Variants in SLC25A26 observed in about 807,000 individuals in gnomAD.
The protein encoded by SLC25A26 is mitochondrial S-adenosylmethionine carrier protein.
Under a neutral mutation model 37.8 loss-of-function variants are expected in SLC25A26, and 36 were observed. The observed-to-expected ratio is 0.95, with a 90% CI of 0.73 to 1.26. SLC25A26 has a LOEUF of 1.26. Among genes scored for constraint, SLC25A26 ranks in the 50% most tolerant of loss-of-function variants. The probability of loss-of-function intolerance (pLI) is 0.00; values close to 1 mark genes in which losing one functional copy is unlikely to be tolerated. For synonymous variants in SLC25A26, 129 were observed against 122.5 expected (o/e 1.05, Z -0.35); for missense variants, 390 against 331.1 (o/e 1.18, Z -1.38).
At chr3:66,366,048 G>T (rs764838883) in intron 7 of SLC25A26, among the ~76,000 whole-genome samples, 1 of 152,200 alleles carries the variant, frequency 6.6e-6, no homozygotes, top group Non-Finnish European at 1.5e-5. Flanking sequence ...ATCTGCATTT[G>T]TTCCCCAAGG....
chr3:66,146,677 A>G lies in SLC25A26; in HGVS notation c.-354+12693A>G, dbSNP rs560305259. Among the ~76,000 whole-genome samples, 81 of 152,298 alleles carry G rather than the reference A, an allele frequency of 5.3e-4. 1 individual carries two copies. The highest frequency in any genetic ancestry group is 8.5e-4 in the Non-Finnish European group (58 of 68,022). Reference sequence around the variant, plus strand: ...AGTCTTGGCTATAAACAGATGGCACATTCAGGATTTTTTTAAAAATTTCAA... The same window carrying G: ...AGTCTTGGCTATAAACAGATGGCACGTTCAGGATTTTTTTAAAAATTTCAA... On this transcript the variant is annotated intron_variant, in intron 1 of 10. Transcript: ENST00000676754.
At chr3:66,253,046 T>C (rs1395445650) in intron 3 of SLC25A26, among the ~76,000 whole-genome samples, 2 of 125,390 alleles carry the variant, frequency 1.6e-5, no homozygotes, top group African/African-American at 3.1e-5. Context: ...CATAAATATG[T>C]CCTAGTCCCC....
At chr3:66,357,894 T>G (rs1271300533) in intron 6 of SLC25A26, among the ~76,000 whole-genome samples, 1 of 152,232 alleles carries the variant, frequency 6.6e-6, no homozygotes, top group Non-Finnish European at 1.5e-5. Context: ...ACTATCTATG[T>G]GACCTCAGGC....
chr3:66,323,517 G>A (rs960286030), intron 5 of SLC25A26, among the ~76,000 whole-genome samples: 1 of 152,184 alleles, frequency 6.6e-6, no homozygotes, highest in African/African-American at 2.4e-5. Context: ...TGAAAATTCA[G>A]AGGCTGGGAT....
intron 5 of SLC25A26, among the ~76,000 whole-genome samples, chr3:66,290,269 A>G (rs1340412396): frequency 6.6e-6 from 1 of 152,156 alleles, no homozygotes; most frequent in East Asian, 1.9e-4. Flanking sequence ...AACAGAGACA[A>G]TTTGACTTCC....
chr3:66,369,033 A>T (rs1305552243), intron 7 of SLC25A26, among the ~76,000 whole-genome samples: 1 of 69,436 alleles, frequency 1.4e-5, no homozygotes, highest in Admixed American at 1.4e-4. Context: ...TTCAAAAAAA[A>T]AAAAAAAAAA....
intron 1 of SLC25A26, among the ~76,000 whole-genome samples, chr3:66,210,250 A>C (rs1407849338): frequency 2.0e-5 from 3 of 151,820 alleles, no homozygotes; most frequent in Non-Finnish European, 4.4e-5. Context: ...GGAGACAGAT[A>C]TTAATAACAT....
intron 5 of SLC25A26, among the ~76,000 whole-genome samples, chr3:66,288,001 A>G (rs989190224): frequency 6.6e-6 from 1 of 152,218 alleles, no homozygotes; most frequent in African/African-American, 2.4e-5. Context: ...TTCACCAGAA[A>G]ACATTTATAG....
chr3:66,167,630 A>G (rs1474944824), intron 1 of SLC25A26, among the ~76,000 whole-genome samples: 1 of 152,230 alleles, frequency 6.6e-6, no homozygotes. Flanking sequence ...CAAAAGATGC[A>G]GTAATGTTCT....
At chr3:66,156,823 T>A (rs577629489) in intron 1 of SLC25A26, among the ~76,000 whole-genome samples, 1 of 152,198 alleles carries the variant, frequency 6.6e-6, no homozygotes, top group African/African-American at 2.4e-5. Context: ...AGAGGGAATG[T>A]AGTGGGTGAA....
chr3:66,300,027 G>A (rs1209988179), intron 5 of SLC25A26, among the ~76,000 whole-genome samples: 3 of 152,138 alleles, frequency 2.0e-5, no homozygotes, highest in Non-Finnish European at 2.9e-5. Context: ...TCAGCTGTTA[G>A]CGTTTCTCCT....
At chr3:66,330,468 G>A in intron 5 of SLC25A26, among the ~76,000 whole-genome samples, 1 of 152,100 alleles carries the variant, frequency 6.6e-6, no homozygotes, top group Middle Eastern at 3.4e-3. Flanking sequence ...AACAGGAGTA[G>A]GATATATATA....
Position 66,152,697 on chromosome 3 carries a change from G to T in SLC25A26, c.-354+18713G>T, listed in dbSNP as rs550610860. On this transcript the variant is annotated intron_variant, in intron 1 of 10. Transcript: ENST00000676754. ...CTTAGGTTATATCTGGGGTAGGGTG[G>T]GAGGGAATTTGTAATTTATTTGGCT... 1.1e-4 allele frequency among the ~76,000 whole-genome samples: 16 copies of T among 152,226 alleles called. No homozygotes were observed. In the South Asian group the frequency reaches 3.1e-3, roughly 30 times the overall value.
rs34944870 is a variant in SLC25A26 at position 66,346,715 on chromosome 3, C to CGTGTGTGTGTGTGT, written c.498+340_498+353dup. Among the ~76,000 whole-genome samples the CGTGTGTGTGTGTGT allele has an allele frequency of 1.0e-3, 144 of 138,978 alleles. 4 individuals are homozygous for CGTGTGTGTGTGTGT. The highest frequency in any genetic ancestry group is 7.7e-3 in the Middle Eastern group (2 of 260). The allele number at this position is 138,978 out of a possible 152,430, so 91.2% of individuals were successfully genotyped here. On this transcript the variant is annotated intron_variant, in intron 6 of 9. Transcript: ENST00000354883. Reference sequence around the variant, plus strand: ...CCGTTAAATTTCATTTTGCTGTGTGCGTGTGTGTGTGTGTGTGTGTGTGTG... The same window carrying CGTGTGTGTGTGTGT: ...CCGTTAAATTTCATTTTGCTGTGTGCGTGTGTGTGTGTGTGTGTGTGTGTGTGTGTGTGTGTGTG...
intron 1 of SLC25A26, among the ~76,000 whole-genome samples, chr3:66,229,358 C>T (rs1187896957): frequency 2.6e-5 from 4 of 152,122 alleles, no homozygotes; most frequent in Non-Finnish European, 4.4e-5. Context: ...TGGCTGGGTC[C>T]CCACCCAAAA....
chr3:66,159,539 T>A (rs1254137240), intron 1 of SLC25A26, among the ~76,000 whole-genome samples: 1 of 152,232 alleles, frequency 6.6e-6, no homozygotes, highest in Non-Finnish European at 1.5e-5. Flanking sequence ...CAATAAAGCA[T>A]GTCCTGCCAC....
intron 1 of SLC25A26, among the ~76,000 whole-genome samples, chr3:66,233,759 G>A (rs567113557): frequency 3.9e-5 from 6 of 152,146 alleles, no homozygotes; most frequent in South Asian, 2.1e-4. Context: ...GTTTGAAATC[G>A]ATAGAAGCGT....
intron 5 of SLC25A26, among the ~76,000 whole-genome samples, chr3:66,274,800 G>A (rs1005068706): frequency 9.9e-5 from 15 of 152,190 alleles, no homozygotes; most frequent in African/African-American, 2.9e-4. Flanking sequence ...TACACTGTTG[G>A]TGGGGCTGTA....
intron 5 of SLC25A26, among the ~76,000 whole-genome samples, chr3:66,308,088 G>A (rs1284370038): frequency 6.6e-6 from 1 of 152,064 alleles, no homozygotes; most frequent in Non-Finnish European, 1.5e-5. Flanking sequence ...AAATTACTTT[G>A]GGCAGTATGG....
Sources: gnomAD v4.1 joint callset for allele counts (sites outside exome capture counted in the v4.1 genomes callset) on GRCh38, gnomAD v4.1.1 for gene constraint, MANE v1.5 for transcripts, NCBI Gene and HGNC (gene_info 2026-07-23, HGNC 2026-07-21) for gene names.